Variants in NUDT19 observed in about 807,000 individuals in gnomAD.
The protein encoded by NUDT19 is acyl-coenzyme A diphosphatase NUDT19.
NUDT19 carries 31 observed loss-of-function variants against 22.2 expected under a neutral mutation model. The ratio of observed to expected loss-of-function variants is 1.40; its 90% CI spans 1.05 to 1.89. NUDT19 has a LOEUF of 1.89. Ranked by LOEUF, NUDT19 falls within the 40% of genes most tolerant of loss-of-function variation. The pLI is 0.00. For missense variants in NUDT19, 752 were observed against 514.2 expected, an observed-to-expected ratio of 1.46 and a Z score of -4.47; for synonymous variants, 325 against 230.8, an observed-to-expected ratio of 1.41 and a Z score of -3.70.
chr19:32,692,755 G>C, intron 1 of NUDT19, 81 bp downstream of exon 1: 1 of 1,131,810 alleles, frequency 8.8e-7, no homozygotes, highest in Non-Finnish European at 1.2e-6. Flanking sequence ...GCCCCCAAGG[G>C]ACCCCCGCAT....
chr19:32,706,755 G>GAA (rs1968391459), intron 1 of NUDT19, among the ~76,000 whole-genome samples: 4 of 152,292 alleles, frequency 2.6e-5, no homozygotes, highest in Non-Finnish European at 4.4e-5. Flanking sequence ...TTTATCATAG[G>GAA]TGTGTATGTG....
chr19:32,693,365 T>G (rs1968225391), intron 1 of NUDT19, among the ~76,000 whole-genome samples: 1 of 152,176 alleles, frequency 6.6e-6, no homozygotes, highest in Non-Finnish European at 1.5e-5. Context: ...TTCCTCTTGG[T>G]GGGTTTGTGG....
At chr19:32,705,170 T>A (rs1193760954) in intron 1 of NUDT19, among the ~76,000 whole-genome samples, 1 of 132,794 alleles carries the variant, frequency 7.5e-6, no homozygotes, top group African/African-American at 2.9e-5. Flanking sequence ...CGCCTGTAAC[T>A]CCAGCACTTT....
At chr19:32,709,467 A>G in intron 2 of NUDT19, 75 bp downstream of exon 2, 1 of 1,140,234 alleles carries the variant, frequency 8.8e-7, no homozygotes. Flanking sequence ...GTATTGCCCA[A>G]CGTAGAGACA....
chr19:32,694,505 T>C (rs1168795573), intron 1 of NUDT19, among the ~76,000 whole-genome samples: 1 of 152,184 alleles, frequency 6.6e-6, no homozygotes, highest in Non-Finnish European at 1.5e-5. Context: ...GATAATGAAG[T>C]AGATAAACTG....
At chr19:32,699,644 T>C (rs1235182443) in intron 1 of NUDT19, among the ~76,000 whole-genome samples, 1 of 152,052 alleles carries the variant, frequency 6.6e-6, no homozygotes, top group Admixed American at 6.6e-5. Context: ...TAAGGAAAAA[T>C]AGGACAGAAT....
intron 1 of NUDT19, among the ~76,000 whole-genome samples, chr19:32,703,264 G>T (rs1968354062): frequency 6.6e-6 from 1 of 152,104 alleles, no homozygotes; most frequent in South Asian, 2.1e-4. Flanking sequence ...GCCTCCCAAA[G>T]TGCTGGGATT....
intron 2 of NUDT19, among the ~76,000 whole-genome samples, chr19:32,709,653 CTTT>C (rs766801801): frequency 6.9e-6 from 1 of 144,082 alleles, no homozygotes; most frequent in Admixed American, 7.0e-5. Context: ...TAATTTCTCA[CTTT>C]TTTTTTTTTT....
chr19:32,698,710 AG>A (rs1394221538), intron 1 of NUDT19, among the ~76,000 whole-genome samples: 1 of 152,330 alleles, frequency 6.6e-6, no homozygotes, highest in Non-Finnish European at 1.5e-5. Flanking sequence ...AGGAGGAATG[AG>A]GAAGGTCAGA....
rs532080158 is a variant in NUDT19 at position 32,692,360 on chromosome 19, G to A, written c.400G>A (p.Glu134Lys). 3.8e-6 allele frequency: 6 copies of A among 1,590,224 alleles called. No homozygotes were observed. The highest frequency in any genetic ancestry group is 4.6e-5 in the East Asian group (2 of 43,914). ...CATCTGCGCCGTGCGGGAGGCCTTT[G>A]AGGAGGCGGGCGTGCTGCTGCTGCG... Reference protein sequence around the residue: ...FRICAVREAFEEAGVLLLRPR... With the variant: ...FRICAVREAFKEAGVLLLRPR... The change falls in exon 1 of 3, where the codon GAG (glutamate) becomes AAG (lysine). Residue 134 changes from glutamate to lysine, a missense_variant. Coordinates refer to ENST00000397061, the MANE Select transcript of NUDT19 (RefSeq NM_001105570.2).
intron 1 of NUDT19, among the ~76,000 whole-genome samples, chr19:32,698,259 A>G (rs1968288487): frequency 6.6e-6 from 1 of 152,142 alleles, no homozygotes; most frequent in African/African-American, 2.4e-5. Flanking sequence ...ATTTTTCCCC[A>G]TCAGAGAGAG....
In NUDT19 at chr19:32,698,585, C is replaced by T. The variant is rs144547828; in HGVS notation, c.714+5911C>T. On this transcript the variant is annotated intron_variant, in intron 1 of 2. Transcript: ENST00000397061. ...TGATTGGAGTAGTTGTGCTCACCAA[C>T]GCAGCAGCAGAAACAACCCCTGCCC... is the stretch of plus-strand genomic sequence containing the variant. Among the ~76,000 whole-genome samples, 350 of 151,482 alleles carry T rather than the reference C, an allele frequency of 2.3e-3. 1 individual carries two copies. The highest frequency in any genetic ancestry group is 8.2e-3 in the African/African-American group (337 of 41,292).
intron 1 of NUDT19, among the ~76,000 whole-genome samples, chr19:32,700,114 T>C (rs968076664): frequency 6.6e-6 from 1 of 152,226 alleles, no homozygotes; most frequent in African/African-American, 2.4e-5. Flanking sequence ...GAACAGAGCT[T>C]CCACAGCATG....
At chr19:32,699,259 G>C (rs1480499055) in intron 1 of NUDT19, among the ~76,000 whole-genome samples, 1 of 152,144 alleles carries the variant, frequency 6.6e-6, no homozygotes, top group South Asian at 2.1e-4. Flanking sequence ...AGTGGGACTA[G>C]CCTCAAAGAA....
At chr19:32,698,330 G>T (rs919513473) in intron 1 of NUDT19, among the ~76,000 whole-genome samples, 3 of 152,102 alleles carry the variant, frequency 2.0e-5, no homozygotes. Flanking sequence ...GGGTTTGTGG[G>T]TCAAATTGGT....
At chr19:32,709,703 T>G (rs1255722670) in intron 2 of NUDT19, among the ~76,000 whole-genome samples, 1 of 151,068 alleles carries the variant, frequency 6.6e-6, no homozygotes, top group African/African-American at 2.4e-5. Context: ...CAGGCTGGAG[T>G]GCAGTGGCAC....
chr19:32,695,525 C>G (rs970329325), intron 1 of NUDT19, among the ~76,000 whole-genome samples: 5 of 152,112 alleles, frequency 3.3e-5, no homozygotes, highest in African/African-American at 1.2e-4. Flanking sequence ...TTCTTTACTA[C>G]TTCTATCTCT....
At position 32,692,004 on chromosome 19, in the gene NUDT19, C is replaced by G; in HGVS notation, c.44C>G (p.Ala15Gly). The G allele has an allele frequency of 8.1e-7, 1 of 1,236,322 alleles. No homozygotes were observed. Among genetic ancestry groups the G allele is most frequent in the Non-Finnish European group, 1.0e-6 (1 of 992,366 alleles). 76.6% of individuals were successfully genotyped at this position (1,236,322 alleles called of 1,614,324 possible). A position where few individuals can be genotyped will look rare whatever the true frequency, so the allele number is the denominator to read the frequency against. Residue 15 changes from alanine (A) to glycine (G), a missense_variant, in exon 1 of 3, where the codon GCG (alanine) becomes GGG (glycine). Coordinates refer to ENST00000397061, the MANE Select transcript of NUDT19 (RefSeq NM_001105570.2). Reference protein sequence around the residue: ...LRPGPSRWRRAASIVLAAGWS... With the variant: ...LRPGPSRWRRGASIVLAAGWS... ...CCGGGCCCCAGCCGCTGGCGGCGGG[C>G]GGCCAGCATCGTCCTGGCGGCTGGC...
chr19:32,697,852 T>A (rs1291665802), intron 1 of NUDT19, among the ~76,000 whole-genome samples: 3 of 152,338 alleles, frequency 2.0e-5, no homozygotes, highest in African/African-American at 2.4e-5. Context: ...TCCCAAGGTC[T>A]GCCTTGATCT....
Sources: gnomAD v4.1 joint callset for allele counts (sites outside exome capture counted in the v4.1 genomes callset) on GRCh38, gnomAD v4.1.1 for gene constraint, MANE v1.5 for transcripts, NCBI Gene and HGNC (gene_info 2026-07-23, HGNC 2026-07-21) for gene names.